RORA: variants seen among roughly 807,000 people sequenced by gnomAD.
The protein encoded by RORA is nuclear receptor ROR-alpha.
RORA carries 7 observed loss-of-function variants against 69.5 expected under a neutral mutation model. The ratio of observed to expected loss-of-function variants is 0.10; its 90% confidence interval spans 0.06 to 0.19. The LOEUF (loss-of-function observed/expected upper bound fraction) is 0.19, where lower values mean the gene tolerates loss of function less well. RORA is among the 10% of genes least tolerant of loss of function. The pLI is 1.00. For missense variants in RORA, 457 were observed against 663.0 expected, an observed-to-expected ratio of 0.69 and a Z score of 3.41; for synonymous variants, 261 against 240.8, an observed-to-expected ratio of 1.08 and a Z score of -0.78.
chr15:60,812,411 G>T (rs187927052), intron 1 of RORA, among the ~76,000 whole-genome samples: 288 of 152,262 alleles, frequency 1.9e-3, no homozygotes, highest in Non-Finnish European at 3.1e-3. Flanking sequence ...TGAGGAGGCT[G>T]AGGTGGAAGA....
chr15:60,736,430 A>G (rs926263815), intron 1 of RORA, among the ~76,000 whole-genome samples: 2 of 152,212 alleles, frequency 1.3e-5, no homozygotes, highest in African/African-American at 4.8e-5. Context: ...GGACTCCTGC[A>G]CCCAGAGGAA....
chr15:60,717,485 G>C (rs1004202062), intron 1 of RORA, among the ~76,000 whole-genome samples: 1 of 152,150 alleles, frequency 6.6e-6, no homozygotes, highest in Non-Finnish European at 1.5e-5. Flanking sequence ...AATACCTATA[G>C]CATGTAATAA....
At chr15:60,933,132 C>T (rs1386882555) in intron 1 of RORA, among the ~76,000 whole-genome samples, 5 of 152,158 alleles carry the variant, frequency 3.3e-5, no homozygotes, top group Non-Finnish European at 7.4e-5. Flanking sequence ...TTACCCATCC[C>T]AATTTCATCA....
chr15:61,123,247 T>C (rs1246136829), intron 1 of RORA, among the ~76,000 whole-genome samples: 1 of 151,950 alleles, frequency 6.6e-6, no homozygotes, highest in African/African-American at 2.4e-5. Flanking sequence ...GCAGTGAGGA[T>C]TTTTCTTAAT....
intron 2 of RORA, among the ~76,000 whole-genome samples, chr15:60,653,436 C>T (rs966871653): frequency 1.3e-5 from 2 of 152,044 alleles, no homozygotes; most frequent in Non-Finnish European, 2.9e-5. Context: ...AAAGTGCACT[C>T]GTACAACAAG....
intron 1 of RORA, among the ~76,000 whole-genome samples, chr15:60,861,659 T>C (rs998157851): frequency 6.6e-6 from 1 of 152,222 alleles, no homozygotes; most frequent in Non-Finnish European, 1.5e-5. Context: ...TGGCTCATTC[T>C]TCATTTTAAA....
chr15:60,885,444 T>C (rs2073740287), intron 1 of RORA, among the ~76,000 whole-genome samples: 1 of 152,226 alleles, frequency 6.6e-6, no homozygotes, highest in Admixed American at 6.5e-5. Context: ...TAACTGATGC[T>C]AGGCAGAACA....
chr15:60,576,862 G>A (rs2068040562), intron 2 of RORA, among the ~76,000 whole-genome samples: 1 of 152,178 alleles, frequency 6.6e-6, no homozygotes, highest in Non-Finnish European at 1.5e-5. Flanking sequence ...CAGGAGCTGG[G>A]ATAGCTCTGG....
chr15:60,822,799 A>G (rs1221588604), intron 1 of RORA, among the ~76,000 whole-genome samples: 1 of 152,168 alleles, frequency 6.6e-6, no homozygotes, highest in Non-Finnish European at 1.5e-5. Context: ...GGGGCCAGGC[A>G]TCAGTATTTC....
At chr15:60,763,846 T>A (rs1254161845) in intron 1 of RORA, 1 of 152,186 alleles carries the variant, frequency 6.6e-6, no homozygotes, top group Non-Finnish European at 1.5e-5. Context: ...ACAGTGCCAA[T>A]CACTGCTCTC....
rs184111900 is a variant in RORA at position 60,719,556 on chromosome 15, C to T, written c.167-40870G>A. 5.9e-5 allele frequency among the ~76,000 whole-genome samples: 9 copies of T among 152,180 alleles called. No homozygotes were observed. The East Asian group carries it at 1.5e-3, about 26-fold the overall frequency. On this transcript the variant is annotated intron_variant, in intron 1 of 10. Transcript: ENST00000335670. ...AATGCAGAGAATAGGTGCAAAAACC[C>T]GAGAGCAGTAATTAATGGCCAATCT...
chr15:60,946,375 C>G (rs1892874016), intron 1 of RORA, among the ~76,000 whole-genome samples: 1 of 152,202 alleles, frequency 6.6e-6, no homozygotes, highest in South Asian at 2.1e-4. Flanking sequence ...CTGCCTGATT[C>G]TTCTGCCTCA....
At chr15:60,567,970 G>A (rs565487056) in intron 2 of RORA, among the ~76,000 whole-genome samples, 1 of 152,254 alleles carries the variant, frequency 6.6e-6, no homozygotes, top group East Asian at 1.9e-4. Context: ...CTGTGGCAGG[G>A]TTTCTCAGCC....
At chr15:60,790,569 T>C (rs892236673) in intron 1 of RORA, among the ~76,000 whole-genome samples, 1 of 152,188 alleles carries the variant, frequency 6.6e-6, no homozygotes, top group African/African-American at 2.4e-5. Context: ...TATACATATT[T>C]TAAAGTGCCT....
At chr15:60,591,627 C>A (rs1185797458) in intron 2 of RORA, among the ~76,000 whole-genome samples, 1 of 152,160 alleles carries the variant, frequency 6.6e-6, no homozygotes, top group Non-Finnish European at 1.5e-5. Context: ...GGTCTAACCT[C>A]CGCCCCTGCC....
At chr15:60,632,296 CG>C (rs1289547972) in intron 2 of RORA, among the ~76,000 whole-genome samples, 1 of 151,788 alleles carries the variant, frequency 6.6e-6, no homozygotes, top group Non-Finnish European at 1.5e-5. Context: ...TTAGTAGAGA[CG>C]GGGGTTTCAC....
chr15:60,832,619 C>A (rs1014932394), intron 1 of RORA, among the ~76,000 whole-genome samples: 1 of 152,032 alleles, frequency 6.6e-6, no homozygotes, highest in Admixed American at 6.6e-5. Flanking sequence ...ACATCTATAC[C>A]CAAACTAATG....
intron 2 of RORA, among the ~76,000 whole-genome samples, chr15:60,548,553 T>G (rs956729289): frequency 1.3e-5 from 2 of 152,202 alleles, no homozygotes; most frequent in Admixed American, 1.3e-4. Flanking sequence ...TTCTGAGAAA[T>G]ACTGTAAGGC....
intron 1 of RORA, among the ~76,000 whole-genome samples, chr15:60,882,401 G>C (rs1013462956): frequency 1.3e-5 from 2 of 152,236 alleles, no homozygotes; most frequent in Admixed American, 1.3e-4. Flanking sequence ...GATAAAGAAT[G>C]TTCTGGACCA....
Sources: allele counts gnomAD v4.1 joint callset (sites outside exome capture counted in the v4.1 genomes callset), GRCh38; gene constraint gnomAD v4.1.1; transcripts MANE v1.5; gene names NCBI Gene and HGNC (gene_info 2026-07-23, HGNC 2026-07-21).